The following MOBP variants were observed in gnomAD, a reference collection of about 807,000 sequenced individuals.
MOBP encodes the protein myelin-associated oligodendrocyte basic protein.
MOBP carries 5 observed loss-of-function variants against 15.0 expected under a neutral mutation model. The observed-to-expected ratio is 0.33, with a 90% CI of 0.17 to 0.70. The LOEUF (loss-of-function observed/expected upper bound fraction) is 0.70. Ranked by LOEUF, MOBP falls within the 30% of genes least tolerant of loss-of-function variation. The pLI, the probability that MOBP is intolerant of heterozygous loss-of-function variation, is 0.67. For missense variants in MOBP, 188 were observed against 257.8 expected (o/e 0.73, Z 1.85); for synonymous variants, 88 against 99.0 (o/e 0.89, Z 0.66).
In MOBP at chr3:39,469,119, T is replaced by C. The variant is rs13090035; in HGVS notation, c.-89+1379T>C. 2.4e-5 allele frequency among the ~76,000 whole-genome samples: 2 copies of C among 82,708 alleles called. 1 individual carries two copies. Among genetic ancestry groups the C allele is most frequent in the African/African-American group, 1.9e-4 (2 of 10,596 alleles). The allele number at this position is 82,708 out of a possible 152,430, so 54.3% of individuals were successfully genotyped here. The stretch of plus-strand genomic sequence containing the variant: ...ATACATATGTGTGTGTATATATACA[T>C]ATATACATATGTGTGTGTATATACA... On this transcript the variant is annotated intron_variant, in intron 1 of 3. Transcript: ENST00000684792.
chr3:39,477,625 G>A (rs1170476855), intron 1 of MOBP, among the ~76,000 whole-genome samples: 2 of 148,712 alleles, frequency 1.3e-5, no homozygotes, highest in African/African-American at 5.2e-5. Context: ...TAAAAAAAAG[G>A]TAGCTGTAAA....
rs193135729 is a variant in MOBP at position 39,469,145 on chromosome 3, T to C, written c.-89+1405T>C. 5.6e-4 allele frequency among the ~76,000 whole-genome samples: 53 copies of C among 95,156 alleles called. 20 individuals are homozygous for C. Among genetic ancestry groups the C allele is most frequent in the African/African-American group, 4.1e-3 (53 of 12,880 alleles). 62.4% of individuals were successfully genotyped at this position (95,156 alleles called of 152,430 possible). On this transcript the variant is annotated intron_variant, in intron 1 of 3. Coordinates refer to ENST00000684792, the MANE Select transcript of MOBP (RefSeq NM_001393704.1). ...ATATACATATGTGTGTGTATATACATATATACATATGTGTGTGTGTATACA... is the reference window on the plus strand; with the variant it reads ...ATATACATATGTGTGTGTATATACACATATACATATGTGTGTGTGTATACA...
intron 2 of MOBP, among the ~76,000 whole-genome samples, chr3:39,492,323 C>T (rs1277137219): frequency 2.0e-5 from 3 of 152,084 alleles, no homozygotes; most frequent in Admixed American, 6.5e-5. Context: ...CCCCTTCCCT[C>T]ACTGCCATGA....
chr3:39,489,341 A>G (rs1368802472), intron 2 of MOBP, among the ~76,000 whole-genome samples: 1 of 152,102 alleles, frequency 6.6e-6, no homozygotes, highest in Non-Finnish European at 1.5e-5. Context: ...TAGTCTGTTA[A>G]TGTCTTCTTC....
intron 4 of MOBP, chr3:39,524,342 T>C (rs2043303061): frequency 6.6e-6 from 1 of 152,236 alleles, no homozygotes; most frequent in Non-Finnish European, 1.5e-5. Flanking sequence ...TAAATTGTGT[T>C]TTCTCCTTGT....
At chr3:39,505,527 C>A (rs17039071), downstream of MOBP, among the ~76,000 whole-genome samples, 6,308 of 152,246 alleles carry the variant, frequency 0.041, 459 homozygotes, top group African/African-American at 0.14. Flanking sequence ...GTGGCATATA[C>A]TCTTTCCTAT....
intron 2 of MOBP, among the ~76,000 whole-genome samples, chr3:39,491,579 A>G (rs1001417480): frequency 1.3e-5 from 2 of 152,140 alleles, no homozygotes; most frequent in African/African-American, 4.8e-5. Flanking sequence ...CTGGCAGCTT[A>G]CATACCAAGA....
exon 5 of MOBP, chr3:39,514,749 G>A (rs902097096): frequency 1.3e-5 from 2 of 152,402 alleles, no homozygotes; most frequent in African/African-American, 4.8e-5. Flanking sequence ...TCTTCTCTCT[G>A]TTTTTCTCCC....
chr3:39,524,708 A>G lies in MOBP; in HGVS notation c.*607A>G, dbSNP rs1448047725. ...ATTTTAGGCACCCATCCTAGAGAAA[A>G]CTTGAATTCATAGAAAAAGTAGGTA... On this transcript the variant is annotated 3_prime_UTR_variant and NMD_transcript_variant, in exon 5 of 5. Transcript: ENST00000424090. The G allele has an allele frequency of 2.0e-5, 3 of 152,292 alleles. No individual in the cohort carries two copies. The East Asian group carries it at 5.8e-4, about 29-fold the overall frequency. The allele number at this position is 152,292 out of a possible 1,614,324, so 9.4% of individuals were successfully genotyped here.
rs1469053271 is a variant in MOBP, at chr3:39,468,835, G to A, written c.-89+1095G>A. ...GTGTGTATACATATTACATATGTGT[G>A]TATATATACATATATACATGAGTGT... On this transcript the variant is annotated intron_variant, in intron 1 of 3. Coordinates refer to ENST00000684792, the MANE Select transcript of MOBP (RefSeq NM_001393704.1). 3.5e-4 allele frequency among the ~76,000 whole-genome samples: 39 copies of A among 112,682 alleles called. 5 individuals carry two copies. The highest frequency in any genetic ancestry group is 1.3e-4 in the Non-Finnish European group (8 of 61,294). 73.9% of individuals were successfully genotyped at this position (112,682 alleles called of 152,430 possible).
intron 3 of MOBP, among the ~76,000 whole-genome samples, chr3:39,522,285 CAAAA>C (rs1444606660): frequency 6.6e-6 from 1 of 152,076 alleles, no homozygotes; most frequent in East Asian, 1.9e-4. Flanking sequence ...TACAGTAAAA[CAAAA>C]AAAGTTGCTT....
At chr3:39,489,690 C>CCCA (rs3036563) in intron 2 of MOBP, among the ~76,000 whole-genome samples, 3 of 150,350 alleles carry the variant, frequency 2.0e-5, no homozygotes, top group African/African-American at 7.5e-5. Flanking sequence ...TATTGTTCCC[C>CCCA]GCCCAGCTCC....
chr3:39,469,046 A>ATG lies in MOBP; in HGVS notation c.-89+1314_-89+1315dup, dbSNP rs1241443461. ...TGTGTATATATATACATATATACAT[A>ATG]TGTGTGTGTATATACATATATACAT... is the stretch of plus-strand genomic sequence containing the variant. On this transcript the variant is annotated intron_variant, in intron 1 of 3. Transcript: ENST00000684792. Among the ~76,000 whole-genome samples, 6 of 73,398 alleles carry ATG rather than the reference A, an allele frequency of 8.2e-5. 1 individual carries two copies. The highest frequency in any genetic ancestry group is 1.4e-4 in the Non-Finnish European group (6 of 42,138). 48.2% of individuals were successfully genotyped at this position (73,398 alleles called of 152,430 possible).
chr3:39,499,684 C>T (rs2042942078), intron 2 of MOBP, among the ~76,000 whole-genome samples: 1 of 152,090 alleles, frequency 6.6e-6, no homozygotes, highest in African/African-American at 2.4e-5. Context: ...GAGATGATCT[C>T]CCTCCTTCTC....
exon 5 of MOBP, chr3:39,514,848 C>T (rs1173519214): frequency 6.6e-6 from 1 of 152,224 alleles, no homozygotes; most frequent in Non-Finnish European, 1.5e-5. Flanking sequence ...CCGATCCTCA[C>T]TCCACCAGGA....
At chr3:39,498,074 G>C (rs759604528) in intron 2 of MOBP, among the ~76,000 whole-genome samples, 3 of 152,214 alleles carry the variant, frequency 2.0e-5, no homozygotes, top group Non-Finnish European at 4.4e-5. Context: ...AAACCGTTAG[G>C]TGGAACTTAA....
chr3:39,468,706 A>ATGTGTGTGTATATACATATATACG (rs1491301163), intron 1 of MOBP, among the ~76,000 whole-genome samples: 1 of 140,860 alleles, frequency 7.1e-6, no homozygotes, highest in Non-Finnish European at 1.5e-5. Flanking sequence ...ACATATATAC[A>ATGTGTGTGTATATACATATATACG]TATGTGTGTG....
At chr3:39,514,391 C>T (rs144234055) in exon 5 of MOBP, 7 of 152,304 alleles carry the variant, frequency 4.6e-5, no homozygotes, top group Non-Finnish European at 1.0e-4. Flanking sequence ...GACCCTACCC[C>T]ACCTCGGGAC....
At position 39,474,136 on chromosome 3, in the gene MOBP, C is replaced by G. The variant is rs572218652; in HGVS notation, c.-88-5904C>G. Among the ~76,000 whole-genome samples, 64 of 152,212 alleles carry G rather than the reference C, an allele frequency of 4.2e-4. 2 individuals are homozygous for G. Among genetic ancestry groups the G allele is most frequent in the Middle Eastern group, 6.3e-3 (2 of 316 alleles). ...TGGCTGGTTTTCTGAATGCTCCAAA[C>G]AAGGGATTTGAGAGTTCCTACTCCA... On this transcript the variant is annotated intron_variant, in intron 1 of 3. Transcript: ENST00000684792.
Sources: allele counts gnomAD v4.1 joint callset (sites outside exome capture counted in the v4.1 genomes callset), GRCh38; gene constraint gnomAD v4.1.1; transcripts MANE v1.5; gene names NCBI Gene and HGNC (gene_info 2026-07-23, HGNC 2026-07-21).